The following GATAD2A variants were observed in gnomAD, a reference collection of about 807,000 sequenced individuals.
GATAD2A encodes GATA zinc finger domain containing 2A, also known as transcriptional repressor p66-alpha.
In GATAD2A, 12 loss-of-function variants were observed where a neutral mutation model predicts 68.5. That is an observed-to-expected ratio of 0.18 (90% CI 0.11 to 0.28). GATAD2A has a LOEUF of 0.28. Ranked by LOEUF, GATAD2A falls within the 10% of genes least tolerant of loss-of-function variation. The pLI is 1.00. For missense variants in GATAD2A, 755 were observed against 868.5 expected (o/e 0.87, Z 1.64); for synonymous variants, 410 against 375.3 (o/e 1.09, Z -1.07).
intron 1 of GATAD2A, among the ~76,000 whole-genome samples, chr19:19,422,296 G>T (rs2052520040): frequency 6.6e-6 from 1 of 152,196 alleles, no homozygotes; most frequent in African/African-American, 2.4e-5. Flanking sequence ...GGAGGCAGGC[G>T]GTTTGGCCTT....
chr19:19,424,862 C>G (rs1375500405), intron 1 of GATAD2A, among the ~76,000 whole-genome samples: 1 of 151,700 alleles, frequency 6.6e-6, no homozygotes, highest in Admixed American at 6.6e-5. Flanking sequence ...GCCTGTAATC[C>G]CAGCACTTTG....
intron 1 of GATAD2A, among the ~76,000 whole-genome samples, chr19:19,434,789 A>G (rs1161569440): frequency 3.3e-5 from 5 of 152,172 alleles, no homozygotes; most frequent in Admixed American, 1.3e-4. Context: ...ATTGTAGAGC[A>G]TTAGTTTTCC....
At chr19:19,390,443 C>A (rs921131587) in intron 1 of GATAD2A, among the ~76,000 whole-genome samples, 4 of 152,086 alleles carry the variant, frequency 2.6e-5, no homozygotes, top group African/African-American at 9.7e-5. Flanking sequence ...CTAAAAATGC[C>A]CAAAGAGAAA....
intron 1 of GATAD2A, among the ~76,000 whole-genome samples, chr19:19,408,890 A>C (rs1356697780): frequency 1.3e-5 from 2 of 152,060 alleles, no homozygotes; most frequent in Non-Finnish European, 2.9e-5. Flanking sequence ...CTTGAAGGGG[A>C]TTAAGGCAAG....
intron 1 of GATAD2A, among the ~76,000 whole-genome samples, chr19:19,434,844 T>TG (rs2054142998): frequency 6.6e-6 from 1 of 152,178 alleles, no homozygotes; most frequent in African/African-American, 2.4e-5. Flanking sequence ...CAGCATCCCA[T>TG]GGGGATGACC....
intron 1 of GATAD2A, among the ~76,000 whole-genome samples, chr19:19,459,367 C>T (rs538475091): frequency 3.4e-4 from 51 of 151,536 alleles, no homozygotes; most frequent in Admixed American, 2.6e-4. Context: ...CCTATATACA[C>T]CTTTTTTTTT....
intron 2 of GATAD2A, among the ~76,000 whole-genome samples, chr19:19,476,621 C>T (rs1479731451): frequency 2.6e-5 from 4 of 152,208 alleles, no homozygotes; most frequent in Non-Finnish European, 5.9e-5. Flanking sequence ...CTCCTTAGGC[C>T]GAGAGCCAGT....
chr19:19,469,298 G>A (rs2058089807), intron 2 of GATAD2A, among the ~76,000 whole-genome samples: 1 of 151,838 alleles, frequency 6.6e-6, no homozygotes, highest in South Asian at 2.1e-4. Flanking sequence ...CTGGCATGGT[G>A]GTGGGCACCT....
chr19:19,428,396 A>C (rs1314016167), intron 1 of GATAD2A, among the ~76,000 whole-genome samples: 1 of 152,204 alleles, frequency 6.6e-6, no homozygotes, highest in Non-Finnish European at 1.5e-5. Flanking sequence ...CATTAATCAT[A>C]ATAATAAAAG....
Position 19,496,080 on chromosome 19 carries a change from G to A in GATAD2A, c.785G>A (p.Ser262Asn). Residue 262 changes from serine (S) to asparagine (N), a missense_variant, in exon 7 of 12, where the codon AGC (serine) becomes AAC (asparagine). Ser to Asn is a conservative substitution (Grantham distance 46, BLOSUM62 1). Coordinates refer to ENST00000683918, the MANE Select transcript of GATAD2A (RefSeq NM_001384528.1). ...QQIHSIRQHS[S>N]TGPPPLLLAP... ...ATCCACAGCATTAGGCAACATTCCA[G>A]CACAGGGCCACCGCCCCTCCTCCTG... 2 of 1,613,876 alleles carry A rather than the reference G, an allele frequency of 1.2e-6. No individual in the cohort carries two copies. Among genetic ancestry groups the A allele is most frequent in the Non-Finnish European group, 1.7e-6 (2 of 1,179,948 alleles).
rs749754394 is a variant in GATAD2A, at chr19:19,492,753, G to C, written c.534+41G>C. On this transcript the variant is annotated intron_variant, in intron 4 of 11. Coordinates refer to ENST00000683918, the MANE Select transcript of GATAD2A (RefSeq NM_001384528.1). Reference sequence around the variant, plus strand: ...CCCTCCTTCCTGGGCCAGCAGGAGCGCCTGGCCTTGCCTTGATCCCCTCAT... The same window carrying C: ...CCCTCCTTCCTGGGCCAGCAGGAGCCCCTGGCCTTGCCTTGATCCCCTCAT... 9 of 1,605,204 alleles carry C rather than the reference G, an allele frequency of 5.6e-6. No homozygotes were observed. In the African/African-American group the frequency reaches 1.1e-4, roughly 19 times the overall value.
intron 7 of GATAD2A, among the ~76,000 whole-genome samples, chr19:19,497,482 C>T (rs190788226): frequency 6.6e-6 from 1 of 152,296 alleles, no homozygotes; most frequent in East Asian, 1.9e-4. Flanking sequence ...AGGTGGTCTG[C>T]TCCTAGCGTG....
At chr19:19,457,161 T>A in intron 1 of GATAD2A, 1 of 985,298 alleles carries the variant, frequency 1.0e-6, no homozygotes, top group Non-Finnish European at 1.2e-6. Context: ...CTGACACTCT[T>A]GCAGAAGTGG....
At chr19:19,485,775 G>A (rs2059389021) in intron 2 of GATAD2A, among the ~76,000 whole-genome samples, 3 of 152,238 alleles carry the variant, frequency 2.0e-5, no homozygotes, top group Admixed American at 2.0e-4. Context: ...GCCTTGCAGA[G>A]TTTGGTCTGG....
intron 2 of GATAD2A, among the ~76,000 whole-genome samples, chr19:19,479,982 C>T (rs1161078779): frequency 6.6e-6 from 1 of 151,758 alleles, no homozygotes; most frequent in African/African-American, 2.4e-5. Flanking sequence ...GGATTACAGG[C>T]ACTTTAGAGA....
At chr19:19,413,365 C>G (rs896354936) in intron 1 of GATAD2A, among the ~76,000 whole-genome samples, 1 of 152,218 alleles carries the variant, frequency 6.6e-6, no homozygotes, top group Non-Finnish European at 1.5e-5. Flanking sequence ...GGTTCCGTCA[C>G]TCTCGAGACC....
chr19:19,465,191 T>A (rs2057773935), intron 1 of GATAD2A, 149 bp from the exon 2 acceptor site: 15 of 664,858 alleles, frequency 2.3e-5, no homozygotes, highest in Non-Finnish European at 3.8e-5. Flanking sequence ...GTCCTGGGGA[T>A]GCTTTTCTGG....
At chr19:19,421,059 G>A (rs1426192418) in intron 1 of GATAD2A, among the ~76,000 whole-genome samples, 4 of 152,200 alleles carry the variant, frequency 2.6e-5, no homozygotes, top group Non-Finnish European at 1.5e-5. Context: ...TCCGTTGAGG[G>A]TCAGGTCCTC....
intron 9 of GATAD2A, 48 bp downstream of exon 9, chr19:19,501,464 C>T (rs754278228): frequency 9.0e-6 from 13 of 1,437,640 alleles, no homozygotes; most frequent in Admixed American, 4.2e-5. Flanking sequence ...AGGCAGAGGC[C>T]GTTCCGCGAT....
Sources: gnomAD v4.1 joint callset for allele counts (sites outside exome capture counted in the v4.1 genomes callset) on GRCh38, gnomAD v4.1.1 for gene constraint, MANE v1.5 for transcripts, NCBI Gene and HGNC (gene_info 2026-07-23, HGNC 2026-07-21) for gene names.